Variants in CASKIN2 observed in about 807,000 individuals in gnomAD.
CASKIN2 encodes CASK interacting protein 2, also known as caskin-2.
CASKIN2 carries 41 observed loss-of-function variants against 107.1 expected under a neutral mutation model. The ratio of observed to expected loss-of-function variants is 0.38; its 90% CI spans 0.30 to 0.50. CASKIN2 has a LOEUF of 0.50. Ranked by LOEUF, CASKIN2 falls within the 20% of genes least tolerant of loss-of-function variation. CASKIN2 has a pLI of 0.92. For missense variants in CASKIN2, 1,546 were observed against 1,657.4 expected (o/e 0.93, Z 1.17); for synonymous variants, 724 against 705.6 (o/e 1.03, Z -0.41).
At chr17:75,510,325 G>C (rs1255481508) in intron 2 of CASKIN2, among the ~76,000 whole-genome samples, 1 of 152,218 alleles carries the variant, frequency 6.6e-6, no homozygotes. Flanking sequence ...AAATGCAGGA[G>C]GCTGAGGGAG....
chr17:75,512,677 G>A (rs941888516), intron 2 of CASKIN2, among the ~76,000 whole-genome samples: 1 of 152,188 alleles, frequency 6.6e-6, no homozygotes. Context: ...GGAGGCTGAA[G>A]CGGGTGGATC....
Position 75,505,406 on chromosome 17 carries a change from G to A in CASKIN2, c.930+151C>T, listed in dbSNP as rs1315389661. 2.7e-6 allele frequency: 2 copies of A among 735,284 alleles called. No individual in the cohort carries two copies. The highest frequency in any genetic ancestry group is 2.3e-5 in the Admixed American group (1 of 42,832). The allele number at this position is 735,284 out of a possible 1,614,324, so 45.5% of individuals were successfully genotyped here. On this transcript the variant is annotated intron_variant, in intron 10 of 19. Transcript: ENST00000321617. This position sits in a 1 kb window ranked among gnomAD's most constrained non-coding sequence, Gnocchi z 5.1. ...ATTTTGTCATCTGTAAAGAAGAAAT[G>A]CTAACAGCACTGCCTTCCCTGGCTT...
chr17:75,505,539 C>T lies in CASKIN2; in HGVS notation c.930+18G>A. ...ATCATTTGTATTTGCAAAGGAATGC[C>T]TGCTTGGGGTCCCTCACCGTGATGA... On this transcript the variant is annotated intron_variant, in intron 10 of 19. Coordinates refer to ENST00000321617, the MANE Select transcript of CASKIN2 (RefSeq NM_020753.5). The surrounding 1 kb of genome is among the most constrained non-coding windows in gnomAD (Gnocchi z 5.1). 6.2e-7 allele frequency: 1 copy of T among 1,611,248 alleles called. No individual in the cohort carries two copies.
chr17:75,501,248 G>T, intron 19 of CASKIN2, 78 bp from the exon 20 acceptor site: 1 of 1,360,308 alleles, frequency 7.4e-7, no homozygotes, highest in Non-Finnish European at 1.0e-6. Context: ...AGCTGTCATA[G>T]CTCCCAGAGG....
chr17:75,502,760 G>T lies in CASKIN2; in HGVS notation c.2314C>A (p.Pro772Thr). 1 of 1,600,272 alleles carries T rather than the reference G, an allele frequency of 6.2e-7. No homozygotes were observed. Among genetic ancestry groups the T allele is most frequent in the Non-Finnish European group, 8.5e-7 (1 of 1,173,024 alleles). ...SPSSPAPGPP[P>T]GAPWAFSYLA... ...TAGGAGAAGGCCCAGGGTGCGCCAG[G>T]AGGTGGCCCTGGGGCCGGGCTAGAG... The change falls in exon 18 of 20, where the codon CCT (proline) becomes ACT (threonine). Residue 772 changes from proline to threonine, a missense_variant. Pro to Thr is a conservative substitution (Grantham distance 38). This residue lies in a region of CASKIN2 where 1,311 missense variants were observed against 1,311.0 expected (regional missense o/e 1.00). Coordinates refer to ENST00000321617, the MANE Select transcript of CASKIN2 (RefSeq NM_020753.5). The surrounding 1 kb of genome is among the most constrained non-coding windows in gnomAD (Gnocchi z 4.3).
chr17:75,509,745 A>G (rs2053301251), intron 2 of CASKIN2: 1 of 985,450 alleles, frequency 1.0e-6, no homozygotes, highest in South Asian at 4.7e-5. Flanking sequence ...CCCAGTGGAG[A>G]CAATGCGGTC....
At chr17:75,509,879 AGCAGGACAATGTGACAG>A (rs2053302472) in intron 2 of CASKIN2, 1 of 985,548 alleles carries the variant, frequency 1.0e-6, no homozygotes, top group Admixed American at 6.2e-5. Flanking sequence ...TCCCGAGAGG[AGCAGGACAATGTGACAG>A]GCAGGACAGG....
intron 2 of CASKIN2, chr17:75,509,909 C>CAGGGCA: frequency 2.0e-6 from 2 of 985,832 alleles, no homozygotes; most frequent in South Asian, 9.4e-5. Flanking sequence ...AGGACAGGAA[C>CAGGGCA]AGGGCAAGGG....
intron 3 of CASKIN2, 123 bp from the exon 4 acceptor site, chr17:75,507,804 C>T (rs2053281393): frequency 1.4e-6 from 1 of 713,826 alleles, no homozygotes; most frequent in African/African-American, 1.7e-5. Flanking sequence ...CCCCCAACCC[C>T]AGCAGCCCTG....
At chr17:75,510,613 C>T (rs2053308392) in intron 2 of CASKIN2, among the ~76,000 whole-genome samples, 1 of 152,092 alleles carries the variant, frequency 6.6e-6, no homozygotes, top group Non-Finnish European at 1.5e-5. Context: ...CTTTTTGAGA[C>T]AGGGTCTTGC....
chr17:75,506,318 C>A lies in CASKIN2; in HGVS notation c.713G>T (p.Arg238Leu). 4 of 1,611,472 alleles carry A rather than the reference C, an allele frequency of 2.5e-6. No individual in the cohort carries two copies. Among genetic ancestry groups the A allele is most frequent in the Non-Finnish European group, 1.7e-6 (2 of 1,179,642 alleles). The change falls in exon 8 of 20, where the codon CGG (arginine) becomes CTG (leucine). Residue 238 changes from arginine to leucine, a missense_variant. Physicochemically the swap from Arg to Leu is moderately radical, Grantham distance 102. Transcript: ENST00000321617. This position sits in a 1 kb window ranked among gnomAD's most constrained non-coding sequence, Gnocchi z 4.8. The part of the protein sequence containing the change: ...AALYGKTEVV[R>L]LLLEGGVDVN... ...GCCCATACCCACCTCCAGAAGCAGCCGCACCACCTCGGTCTTGCCATACAG... is the reference window on the plus strand; with the variant it reads ...GCCCATACCCACCTCCAGAAGCAGCAGCACCACCTCGGTCTTGCCATACAG...
chr17:75,510,168 T>A (rs1459840886), intron 2 of CASKIN2, among the ~76,000 whole-genome samples: 1 of 152,112 alleles, frequency 6.6e-6, no homozygotes, highest in African/African-American at 2.4e-5. Flanking sequence ...ACACCCCATT[T>A]CCTCTGGCCA....
intron 19 of CASKIN2, 83 bp from the exon 20 acceptor site, chr17:75,501,253 C>T: frequency 7.4e-7 from 1 of 1,360,412 alleles, no homozygotes; most frequent in Non-Finnish European, 1.0e-6. Context: ...TCATAGCTCC[C>T]AGAGGCTCAG....
chr17:75,501,282 A>G, intron 19 of CASKIN2, 112 bp from the exon 20 acceptor site: 3 of 1,219,818 alleles, frequency 2.5e-6, no homozygotes, highest in Non-Finnish European at 3.4e-6. Context: ...GGGACCGGCC[A>G]GGCTCCTGTG....
rs760122361 is a variant in CASKIN2 at position 75,503,881 on chromosome 17, C to T, written c.1549G>A (p.Val517Met). The T allele has an allele frequency of 1.2e-6, 2 of 1,612,802 alleles. No individual in the cohort carries two copies. Among genetic ancestry groups the T allele is most frequent in the East Asian group, 4.5e-5 (2 of 44,868 alleles). The change falls in exon 15 of 20, where the codon GTG (valine) becomes ATG (methionine). Residue 517 changes from valine to methionine, a missense_variant. By Grantham distance (21) the Val-to-Met change is conservative (BLOSUM62 1). Transcript: ENST00000321617. Reference protein sequence around the residue: ...TAHFLQAGYDVPTISRMTPED... With the variant: ...TAHFLQAGYDMPTISRMTPED... The stretch of plus-strand genomic sequence containing the variant: ...GGTGTCATGCGGCTGATGGTAGGCA[C>T]ATCATAGCCGGCCTGCAGAAAGTGG...
chr17:75,506,515 G>C lies in CASKIN2; in HGVS notation c.617+68C>G. On this transcript the variant is annotated intron_variant, in intron 7 of 19. Transcript: ENST00000321617. The surrounding 1 kb of genome is among the most constrained non-coding windows in gnomAD (Gnocchi z 4.8). ...AGCCCGGGTGAAAAGGGCAGTGGGGGAGAGCACTGAGGGGCACCGATGGTC... is the reference window on the plus strand; with the variant it reads ...AGCCCGGGTGAAAAGGGCAGTGGGGCAGAGCACTGAGGGGCACCGATGGTC... The C allele has an allele frequency of 6.2e-7, 1 of 1,600,870 alleles. No individual in the cohort carries two copies. The highest frequency in any genetic ancestry group is 1.1e-5 in the South Asian group (1 of 90,464).
In CASKIN2 at chr17:75,502,402, T is replaced by C. The variant is rs7503373; in HGVS notation, c.2672A>G (p.Glu891Gly). The C allele has an allele frequency of 0.9, 1,317,789 of 1,471,048 alleles. 595,860 individuals are homozygous for C. The highest frequency in any genetic ancestry group is 0.98 in the African/African-American group (68,396 of 69,896). 91.1% of individuals were successfully genotyped at this position (1,471,048 alleles called of 1,614,324 possible). The change falls in exon 18 of 20, where the codon GAG becomes GGG. Residue 891 changes from glutamate (E) to glycine (G), a missense_variant. Physicochemically the swap from Glu to Gly is moderately conservative, Grantham distance 98. Transcript: ENST00000321617. This position sits in a 1 kb window ranked among gnomAD's most constrained non-coding sequence, Gnocchi z 4.3. ...GGCCCCTTCCTTGGGCCCTGGGCTC[T>C]CATCTAGTGGAGGTGGCTCCGGGCT... ...GPSPEPPPLD[E>G]SPGPKEGATG...
rs2053222199 is a variant in CASKIN2, at chr17:75,503,121, C to T, written c.1953G>A (p.Leu651=). 1.2e-6 allele frequency: 2 copies of T among 1,606,824 alleles called. No individual in the cohort carries two copies. Among genetic ancestry groups the T allele is most frequent in the South Asian group, 1.1e-5 (1 of 90,332 alleles). ...CTGTAGCTGGGCCTTCTCCGTTCTC[C>T]AGTCCCTCGATGGCCATCAGCTCCG... ...KGPELMAIEG[L]ENGEGPATAG... is the part of the protein sequence containing the mutation. Residue 651 remains leucine (L), a synonymous_variant, in exon 18 of 20, where the codon CTG becomes CTA. Transcript: ENST00000321617.
In CASKIN2 at chr17:75,503,691, T is replaced by C. The variant is rs1347761895; in HGVS notation, c.1648A>G (p.Ser550Gly). 1.2e-6 allele frequency: 2 copies of C among 1,612,426 alleles called. No homozygotes were observed. Among genetic ancestry groups the C allele is most frequent in the Admixed American group, 1.7e-5 (1 of 60,022 alleles). The change falls in exon 16 of 20, where the codon AGC becomes GGC. Residue 550 changes from serine (S) to glycine (G), a missense_variant. By Grantham distance (56) the Ser-to-Gly change is moderately conservative. Transcript: ENST00000321617. ...TAGCTGGGCAGCCACTCGGCGATGC[T>C]GAGCTGAGCGATCTCTGAGGCGATC... Reference protein sequence around the residue: ...KKIASEIAQLSIAEWLPSYIP... With the variant: ...KKIASEIAQLGIAEWLPSYIP...
Sources: gnomAD v4.1 joint callset for allele counts (sites outside exome capture counted in the v4.1 genomes callset) on GRCh38, gnomAD v4.1.1 for gene constraint, gnomAD v4.1.1 regional missense constraint, Gnocchi (gnomAD v3.1) non-coding constraint, MANE v1.5 for transcripts, NCBI Gene and HGNC (gene_info 2026-07-23, HGNC 2026-07-21) for gene names.